PTPRO: variants seen among roughly 807,000 people sequenced by gnomAD.
The protein encoded by PTPRO is receptor-type tyrosine-protein phosphatase O.
PTPRO carries 62 observed loss-of-function variants against 145.2 expected under a neutral mutation model. That is an observed-to-expected ratio of 0.43 (90% CI 0.35 to 0.53). PTPRO has a LOEUF of 0.53. Among genes scored for constraint, PTPRO ranks in the 20% least tolerant of loss-of-function variants. The pLI, the probability that PTPRO is intolerant of heterozygous loss-of-function variation, is 0.01. For missense variants in PTPRO, 1,345 were observed against 1,482.7 expected, an observed-to-expected ratio of 0.91 and a Z score of 1.53; for synonymous variants, 565 against 514.7, an observed-to-expected ratio of 1.10 and a Z score of -1.32.
At chr12:15,332,915 G>A (rs1866653553) in intron 1 of PTPRO, among the ~76,000 whole-genome samples, 1 of 152,156 alleles carries the variant, frequency 6.6e-6, no homozygotes, top group Non-Finnish European at 1.5e-5. Context: ...TTTGCCAACA[G>A]ACCTGATGGC....
At chr12:15,373,261 T>A (rs189728860) in intron 1 of PTPRO, among the ~76,000 whole-genome samples, 192 of 152,280 alleles carry the variant, frequency 1.3e-3, no homozygotes, top group African/African-American at 4.2e-3. Context: ...GCTAGCATGA[T>A]GGTGACAGCA....
chr12:15,580,583 A>T, intron 21 of PTPRO, 114 bp from the exon 22 acceptor site: 1 of 1,285,294 alleles, frequency 7.8e-7, no homozygotes, highest in South Asian at 1.2e-5. Flanking sequence ...TAGGTGTGTG[A>T]TCCTTTGCCA....
intron 1 of PTPRO, among the ~76,000 whole-genome samples, chr12:15,421,028 C>T (rs892278258): frequency 2.0e-5 from 3 of 152,192 alleles, no homozygotes; most frequent in Non-Finnish European, 4.4e-5. Context: ...GAACACCCAG[C>T]TTTAGCAATT....
intron 19 of PTPRO, among the ~76,000 whole-genome samples, chr12:15,572,254 G>A (rs1057342319): frequency 6.6e-6 from 1 of 152,136 alleles, no homozygotes; most frequent in Non-Finnish European, 1.5e-5. Context: ...AATTCTTATG[G>A]ATTGAAACTG....
intron 1 of PTPRO, among the ~76,000 whole-genome samples, chr12:15,400,043 T>C (rs1369964792): frequency 7.6e-6 from 1 of 130,888 alleles, no homozygotes; most frequent in East Asian, 2.5e-4. Context: ...AGAGCAAGAC[T>C]CTTGTCTCAA....
intron 1 of PTPRO, among the ~76,000 whole-genome samples, chr12:15,432,031 T>C (rs1591805846): frequency 1.3e-5 from 2 of 152,304 alleles, no homozygotes; most frequent in South Asian, 4.1e-4. Flanking sequence ...TAGGGGTATG[T>C]GTGCAGGTTG....
chr12:15,367,827 T>C (rs1037229725), intron 1 of PTPRO, among the ~76,000 whole-genome samples: 1 of 152,190 alleles, frequency 6.6e-6, no homozygotes, highest in African/African-American at 2.4e-5. Context: ...TCCATGGACC[T>C]GACGGGCTGT....
intron 19 of PTPRO, 116 bp from the exon 20 acceptor site, chr12:15,578,737 A>G: frequency 1.3e-6 from 1 of 795,842 alleles, no homozygotes; most frequent in Non-Finnish European, 2.2e-6. Context: ...TTCCACCTCT[A>G]AAGGGAGCTA....
At chr12:15,360,774 G>A (rs1277030194) in intron 1 of PTPRO, among the ~76,000 whole-genome samples, 20 of 144,752 alleles carry the variant, frequency 1.4e-4, no homozygotes, top group Admixed American at 6.4e-4. Flanking sequence ...GTATATATAC[G>A]TGTGTATATA....
chr12:15,544,634 T>C (rs987351498), intron 12 of PTPRO, among the ~76,000 whole-genome samples: 4 of 152,096 alleles, frequency 2.6e-5, no homozygotes, highest in Non-Finnish European at 5.9e-5. Flanking sequence ...TAGTGTGCAT[T>C]TTTAAAAAAG....
In PTPRO at chr12:15,501,797, C is replaced by T. The variant is rs201019396; in HGVS notation, c.839C>T (p.Ser280Phe). 7 of 1,614,026 alleles carry T rather than the reference C, an allele frequency of 4.3e-6. No homozygotes were observed. The highest frequency in any genetic ancestry group is 5.9e-6 in the Non-Finnish European group (7 of 1,180,024). ...ETPEIPSGNI[S>F]SGWPDFNSSD... Reference sequence around the variant, plus strand: ...CCTGAAATTCCCTCGGGCAACATTTCTTCCGGTTGGCCTGATTTTAATAGC... The same window carrying T: ...CCTGAAATTCCCTCGGGCAACATTTTTTCCGGTTGGCCTGATTTTAATAGC... The change falls in exon 5 of 27, where the codon TCT becomes TTT. Residue 280 changes from serine (S) to phenylalanine (F), a missense_variant. Around this residue, in one of 3 missense-constraint regions of PTPRO, gnomAD observed 1,130 missense variants for 1,214.7 expected, o/e 0.93. Coordinates refer to ENST00000281171, the MANE Select transcript of PTPRO (RefSeq NM_030667.3).
At chr12:15,589,321 A>T in intron 24 of PTPRO, 134 bp from the exon 25 acceptor site, 1 of 1,209,082 alleles carries the variant, frequency 8.3e-7, no homozygotes, top group Non-Finnish European at 1.2e-6. Flanking sequence ...GGTTGCAGTG[A>T]GCCGAGATCA....
intron 1 of PTPRO, 66 bp from the exon 2 acceptor site, chr12:15,483,908 G>A: frequency 1.3e-6 from 2 of 1,506,640 alleles, no homozygotes; most frequent in Non-Finnish European, 1.8e-6. Flanking sequence ...AATTATCTTA[G>A]CATAACTTTA....
chr12:15,504,649 C>T (rs1942285870), intron 6 of PTPRO, among the ~76,000 whole-genome samples: 1 of 152,130 alleles, frequency 6.6e-6, no homozygotes, highest in Non-Finnish European at 1.5e-5. Context: ...GTGCCTGCCT[C>T]TATAACGTGT....
chr12:15,578,641 C>G (rs1944239002), intron 19 of PTPRO, among the ~76,000 whole-genome samples: 1 of 152,158 alleles, frequency 6.6e-6, no homozygotes, highest in Non-Finnish European at 1.5e-5. Context: ...ACCAAACAAG[C>G]AAGTGCATTG....
intron 19 of PTPRO, among the ~76,000 whole-genome samples, chr12:15,574,521 G>A (rs147329853): frequency 6.6e-4 from 100 of 152,296 alleles, no homozygotes; most frequent in Non-Finnish European, 1.3e-3. Flanking sequence ...TACAGAACTG[G>A]CCATGCAGTT....
At chr12:15,514,921 C>G (rs1942544851) in intron 7 of PTPRO, among the ~76,000 whole-genome samples, 1 of 152,002 alleles carries the variant, frequency 6.6e-6, no homozygotes, top group African/African-American at 2.4e-5. Flanking sequence ...TGCCACCATG[C>G]CTGGCTAATT....
At chr12:15,516,151 T>C (rs202205578) in intron 8 of PTPRO, among the ~76,000 whole-genome samples, 7 of 151,052 alleles carry the variant, frequency 4.6e-5, no homozygotes, top group East Asian at 3.9e-4. Flanking sequence ...CCACCATGCC[T>C]GGCTAATTTT....
In PTPRO at chr12:15,460,314, G is replaced by A. The variant is rs529232811; in HGVS notation, c.76-23660G>A. Among the ~76,000 whole-genome samples, 27 of 152,264 alleles carry A rather than the reference G, an allele frequency of 1.8e-4. No individual in the cohort carries two copies. In the South Asian group the frequency reaches 4.8e-3, roughly 27 times the overall value. On this transcript the variant is annotated intron_variant, in intron 1 of 26. Transcript: ENST00000281171. ...TATTAGAAATGTGGAATTGCAGGCCGTATCCCAGACCTCCTGATTTCATAT... is the reference window on the plus strand; with the variant it reads ...TATTAGAAATGTGGAATTGCAGGCCATATCCCAGACCTCCTGATTTCATAT...
Sources: allele counts gnomAD v4.1 joint callset (sites outside exome capture counted in the v4.1 genomes callset), GRCh38; gene constraint gnomAD v4.1.1; regional missense constraint gnomAD v4.1.1; transcripts MANE v1.5; gene names NCBI Gene and HGNC (gene_info 2026-07-23, HGNC 2026-07-21).